NR3C2: variants seen among roughly 807,000 people sequenced by gnomAD.
NR3C2 encodes nuclear receptor subfamily 3 group C member 2, also known as mineralocorticoid receptor.
A neutral mutation model predicts 86.4 loss-of-function variants in NR3C2; 15 were observed. That is an observed-to-expected ratio of 0.17 (90% CI 0.12 to 0.27). NR3C2 has a LOEUF of 0.27. Ranked by LOEUF, NR3C2 falls within the 10% of genes least tolerant of loss-of-function variation. NR3C2 has a pLI of 1.00. For synonymous variants in NR3C2, 458 were observed against 450.5 expected (o/e 1.02, Z -0.21); for missense variants, 960 against 1,195.6 (o/e 0.80, Z 2.91).
intron 2 of NR3C2, among the ~76,000 whole-genome samples, chr4:148,428,297 C>A (rs559959025): frequency 6.6e-5 from 10 of 152,162 alleles, no homozygotes; most frequent in Non-Finnish European, 1.3e-4. Flanking sequence ...GCCAAAGGTA[C>A]ATCTGTTGAA....
At chr4:148,364,477 C>T in intron 2 of NR3C2, among the ~76,000 whole-genome samples, 1 of 152,090 alleles carries the variant, frequency 6.6e-6, no homozygotes, top group Admixed American at 6.5e-5. Flanking sequence ...GTAGAAGTTC[C>T]CTATAAAGAG....
chr4:148,435,057 C>T, intron 2 of NR3C2, 47 bp downstream of exon 2: 1 of 1,561,024 alleles, frequency 6.4e-7, no homozygotes, highest in Non-Finnish European at 8.8e-7. Context: ...TAACCTTCAA[C>T]ATGTATAAAG....
chr4:148,344,630 T>A lies in NR3C2; in HGVS notation c.1758-84513A>T, dbSNP rs376646182. Among the ~76,000 whole-genome samples, 14 of 152,308 alleles carry A rather than the reference T, an allele frequency of 9.2e-5. No homozygotes were observed. In the East Asian group the frequency reaches 2.5e-3, roughly 27 times the overall value. On this transcript the variant is annotated intron_variant, in intron 2 of 8. Transcript: ENST00000358102. ...CAGCCAGCCAGGACTTGAGTCCACA[T>A]CTGTTTACCTCCACTGCTTCTCTAT...
At chr4:148,166,688 A>G (rs1734893711) in intron 4 of NR3C2, among the ~76,000 whole-genome samples, 1 of 152,102 alleles carries the variant, frequency 6.6e-6, no homozygotes, top group African/African-American at 2.4e-5. Flanking sequence ...CACTGAAAAT[A>G]AGCTTTTGGG....
At chr4:148,264,578 T>C (rs1740285194) in intron 2 of NR3C2, among the ~76,000 whole-genome samples, 1 of 152,232 alleles carries the variant, frequency 6.6e-6, no homozygotes, top group African/African-American at 2.4e-5. Context: ...GCCTGGGCTC[T>C]AGTTCTAGCT....
At chr4:148,254,848 A>C (rs544724054) in intron 3 of NR3C2, among the ~76,000 whole-genome samples, 3 of 152,214 alleles carry the variant, frequency 2.0e-5, no homozygotes, top group Non-Finnish European at 4.4e-5. Flanking sequence ...CTTCCTGTAC[A>C]TGATTCATGG....
At chr4:148,118,425 C>A (rs1162783954) in intron 7 of NR3C2, among the ~76,000 whole-genome samples, 2 of 152,168 alleles carry the variant, frequency 1.3e-5, no homozygotes, top group East Asian at 3.9e-4. Flanking sequence ...CCAGTTTCTC[C>A]ACCTCTCTGA....
At chr4:148,300,150 C>G (rs777829715) in intron 2 of NR3C2, among the ~76,000 whole-genome samples, 7 of 152,208 alleles carry the variant, frequency 4.6e-5, no homozygotes, top group African/African-American at 1.4e-4. Flanking sequence ...TCTTGTTTTA[C>G]GTCCTTGGAA....
intron 6 of NR3C2, among the ~76,000 whole-genome samples, chr4:148,130,794 TTTTTG>T (rs1190061685): frequency 0.024 from 2,772 of 113,818 alleles, 53 homozygotes; most frequent in South Asian, 0.05. Flanking sequence ...CACGTTTTTT[TTTTTG>T]TTTTGTTTTG....
intron 4 of NR3C2, among the ~76,000 whole-genome samples, chr4:148,166,082 A>G (rs1381521591): frequency 6.6e-6 from 1 of 152,232 alleles, no homozygotes; most frequent in Non-Finnish European, 1.5e-5. Flanking sequence ...GTCTAAATTA[A>G]GAATTAATAG....
chr4:148,238,744 A>G (rs1394599440), intron 3 of NR3C2, among the ~76,000 whole-genome samples: 1 of 152,208 alleles, frequency 6.6e-6, no homozygotes, highest in Non-Finnish European at 1.5e-5. Flanking sequence ...TGTAGAGACT[A>G]AAGCCTAAAC....
At chr4:148,153,155 G>C (rs997964834) in intron 5 of NR3C2, among the ~76,000 whole-genome samples, 1 of 152,090 alleles carries the variant, frequency 6.6e-6, no homozygotes, top group Non-Finnish European at 1.5e-5. Context: ...CTCCCTGCCT[G>C]ACAGACTCAA....
chr4:148,164,389 A>G (rs1213371587), intron 4 of NR3C2, among the ~76,000 whole-genome samples: 1 of 152,236 alleles, frequency 6.6e-6, no homozygotes, highest in East Asian at 1.9e-4. Context: ...TAACTTCTTC[A>G]GACAAATATA....
chr4:148,172,425 G>T (rs1735171763), intron 4 of NR3C2, among the ~76,000 whole-genome samples: 1 of 152,148 alleles, frequency 6.6e-6, no homozygotes, highest in African/African-American at 2.4e-5. Context: ...GCCAAACTAT[G>T]CTATGTAAGT....
At chr4:148,219,535 T>C (rs1737721449) in intron 3 of NR3C2, among the ~76,000 whole-genome samples, 1 of 152,236 alleles carries the variant, frequency 6.6e-6, no homozygotes, top group Non-Finnish European at 1.5e-5. Flanking sequence ...ATTGCCCTTT[T>C]CATTCTCATG....
chr4:148,103,446 C>A (rs1332616699), intron 8 of NR3C2, among the ~76,000 whole-genome samples: 1 of 152,234 alleles, frequency 6.6e-6, no homozygotes, highest in Non-Finnish European at 1.5e-5. Flanking sequence ...AAAAGCCAGG[C>A]CCTCCCTCCG....
chr4:148,086,034 G>A (rs1400811523), intron 8 of NR3C2, among the ~76,000 whole-genome samples: 2 of 152,108 alleles, frequency 1.3e-5, no homozygotes, highest in African/African-American at 2.4e-5. Flanking sequence ...TTCACAGCCA[G>A]ATTTTACCAG....
intron 8 of NR3C2, among the ~76,000 whole-genome samples, chr4:148,090,607 CCTATCA>C (rs1731017379): frequency 6.6e-6 from 1 of 152,172 alleles, no homozygotes; most frequent in Admixed American, 6.5e-5. Flanking sequence ...AGCCTCTGTC[CCTATCA>C]CCCACATAAA....
At chr4:148,109,363 C>A (rs959958029) in intron 8 of NR3C2, among the ~76,000 whole-genome samples, 1 of 152,210 alleles carries the variant, frequency 6.6e-6, no homozygotes, top group African/African-American at 2.4e-5. Flanking sequence ...CTGCCTGGCA[C>A]TTTTAGACAC....
Sources: allele counts gnomAD v4.1 joint callset (sites outside exome capture counted in the v4.1 genomes callset), GRCh38; gene constraint gnomAD v4.1.1; transcripts MANE v1.5; gene names NCBI Gene and HGNC (gene_info 2026-07-23, HGNC 2026-07-21).